The following TMEM178A variants were observed in gnomAD, a reference collection of about 807,000 sequenced individuals.
TMEM178A encodes the protein transmembrane protein 178A.
Under a neutral mutation model 29.1 loss-of-function variants are expected in TMEM178A, and 12 were observed. The ratio of observed to expected loss-of-function variants is 0.41; its 90% CI spans 0.26 to 0.67. TMEM178A has a LOEUF of 0.67. TMEM178A is among the 30% of genes least tolerant of loss of function. The probability of loss-of-function intolerance (pLI) is 0.29; values close to 1 mark genes in which losing one functional copy is unlikely to be tolerated. For synonymous variants in TMEM178A, 210 were observed against 187.2 expected (o/e 1.12, Z -0.99); for missense variants, 366 against 419.1 (o/e 0.87, Z 1.11).
intron 2 of TMEM178A, among the ~76,000 whole-genome samples, chr2:39,705,220 C>A (rs1037933278): frequency 5.9e-5 from 9 of 152,168 alleles, no homozygotes; most frequent in African/African-American, 2.2e-4. Flanking sequence ...TTCTTTTAAT[C>A]CTTTTTGGAG....
intron 1 of TMEM178A, among the ~76,000 whole-genome samples, chr2:39,702,228 T>G (rs1288072809): frequency 6.6e-6 from 1 of 152,212 alleles, no homozygotes; most frequent in Non-Finnish European, 1.5e-5. Context: ...TTAGTGACTT[T>G]CCTGAACGAA....
At chr2:39,676,058 A>G (rs541920226) in intron 1 of TMEM178A, among the ~76,000 whole-genome samples, 1 of 152,222 alleles carries the variant, frequency 6.6e-6, no homozygotes, top group Non-Finnish European at 1.5e-5. Flanking sequence ...TGTTGGGATG[A>G]TAGTTATTTC....
At chr2:39,669,267 G>T (rs1334549245) in intron 1 of TMEM178A, among the ~76,000 whole-genome samples, 1 of 152,138 alleles carries the variant, frequency 6.6e-6, no homozygotes, top group Non-Finnish European at 1.5e-5. Flanking sequence ...AATGAGGAGT[G>T]CAGGGAAGAA....
chr2:39,665,933 C>T lies in TMEM178A; in HGVS notation c.-42C>T. ...GGGCCAAGTGCATTGTGTCTGGCGG[C>T]GGCGCGCGAGCCCACCGGCGGCTGC... On this transcript the variant is annotated 5_prime_UTR_variant, in exon 1 of 4. Coordinates refer to ENST00000281961, the MANE Select transcript of TMEM178A (RefSeq NM_152390.3). The T allele has an allele frequency of 1.5e-6, 2 of 1,344,470 alleles. No homozygotes were observed. Among genetic ancestry groups the T allele is most frequent in the Non-Finnish European group, 1.9e-6 (2 of 1,052,234 alleles). The allele number at this position is 1,344,470 out of a possible 1,614,324, so 83.3% of individuals were successfully genotyped here.
the TMEM178A span, among the ~76,000 whole-genome samples, chr2:39,727,652 G>A: frequency 6.6e-6 from 1 of 152,112 alleles, no homozygotes; most frequent in Admixed American, 6.5e-5. Context: ...GTGCCATGTT[G>A]GTTTGCTGCA....
At chr2:39,711,646 A>G (rs982126213) in intron 3 of TMEM178A, among the ~76,000 whole-genome samples, 1 of 152,212 alleles carries the variant, frequency 6.6e-6, no homozygotes, top group Non-Finnish European at 1.5e-5. Flanking sequence ...TAATGAATCC[A>G]AATTTTTTTT....
the TMEM178A span, among the ~76,000 whole-genome samples, chr2:39,724,571 A>T: frequency 6.6e-6 from 1 of 152,172 alleles, no homozygotes; most frequent in Non-Finnish European, 1.5e-5. Flanking sequence ...AACCTTCCAA[A>T]TTTTTTTATT....
At chr2:39,673,190 T>C (rs1670475001) in intron 1 of TMEM178A, among the ~76,000 whole-genome samples, 1 of 152,218 alleles carries the variant, frequency 6.6e-6, no homozygotes. Context: ...AGAGTCCGCC[T>C]TGGCCGTCGT....
At chr2:39,704,797 C>A (rs1671951554) in intron 2 of TMEM178A, among the ~76,000 whole-genome samples, 1 of 152,160 alleles carries the variant, frequency 6.6e-6, no homozygotes, top group Non-Finnish European at 1.5e-5. Flanking sequence ...AGATAGCTCC[C>A]CGAAACGAAA....
intron 1 of TMEM178A, among the ~76,000 whole-genome samples, chr2:39,686,000 G>T (rs1231636136): frequency 6.6e-6 from 1 of 152,212 alleles, no homozygotes; most frequent in African/African-American, 2.4e-5. Context: ...AGCAGGGAGC[G>T]CTGAAGCCGA....
At chr2:39,675,637 T>C (rs1670585352) in intron 1 of TMEM178A, among the ~76,000 whole-genome samples, 1 of 152,172 alleles carries the variant, frequency 6.6e-6, no homozygotes, top group South Asian at 2.1e-4. Flanking sequence ...TTAGAGCATG[T>C]TTTTATTTAT....
At chr2:39,700,184 C>G (rs1440501977) in intron 1 of TMEM178A, among the ~76,000 whole-genome samples, 1 of 152,042 alleles carries the variant, frequency 6.6e-6, no homozygotes, top group Non-Finnish European at 1.5e-5. Flanking sequence ...TTGTTCAAGT[C>G]TTCTGTTTTT....
At chr2:39,693,025 A>G (rs945887917) in intron 1 of TMEM178A, among the ~76,000 whole-genome samples, 1 of 152,166 alleles carries the variant, frequency 6.6e-6, no homozygotes, top group Non-Finnish European at 1.5e-5. Flanking sequence ...GAGGCAGGAG[A>G]ATGGCTTGAA....
intron 1 of TMEM178A, among the ~76,000 whole-genome samples, chr2:39,671,391 A>G (rs1207764558): frequency 6.6e-6 from 1 of 152,210 alleles, no homozygotes; most frequent in Non-Finnish European, 1.5e-5. Context: ...TTATCTTCCA[A>G]GAGCAGATAT....
intron 1 of TMEM178A, among the ~76,000 whole-genome samples, chr2:39,686,990 T>C (rs898458739): frequency 4.8e-4 from 72 of 150,172 alleles, no homozygotes; most frequent in African/African-American, 1.8e-3. Context: ...TGTGTGTGTG[T>C]GTGTGTGTGT....
intron 1 of TMEM178A, among the ~76,000 whole-genome samples, chr2:39,684,942 C>T (rs1671010097): frequency 6.6e-6 from 1 of 152,200 alleles, no homozygotes; most frequent in South Asian, 2.1e-4. Context: ...ATTCTCCAAC[C>T]TCCTCTCACT....
chr2:39,680,664 A>G (rs1268662768), intron 1 of TMEM178A, among the ~76,000 whole-genome samples: 2 of 152,232 alleles, frequency 1.3e-5, no homozygotes, highest in African/African-American at 4.8e-5. Flanking sequence ...TTAGAAAACT[A>G]CTTAGTATAA....
chr2:39,692,270 C>T (rs761947651), intron 1 of TMEM178A, among the ~76,000 whole-genome samples: 4 of 152,064 alleles, frequency 2.6e-5, no homozygotes, highest in Non-Finnish European at 5.9e-5. Context: ...GGATAGATAA[C>T]AATATTGTAT....
At chr2:39,699,290 G>T (rs115170402) in intron 1 of TMEM178A, among the ~76,000 whole-genome samples, 1 of 152,056 alleles carries the variant, frequency 6.6e-6, no homozygotes, top group Non-Finnish European at 1.5e-5. Context: ...GCCTCCCAAA[G>T]TGCTGGGATT....
Sources: allele counts gnomAD v4.1 joint callset (sites outside exome capture counted in the v4.1 genomes callset), GRCh38; gene constraint gnomAD v4.1.1; transcripts MANE v1.5; gene names NCBI Gene and HGNC (gene_info 2026-07-23, HGNC 2026-07-21).